ADAMTS6: variants seen among roughly 807,000 people sequenced by gnomAD.
ADAMTS6 encodes ADAM metallopeptidase with thrombospondin type 1 motif 6.
In ADAMTS6, 23 loss-of-function variants were observed where a neutral mutation model predicts 144.3. The observed-to-expected ratio is 0.16, with a 90% CI of 0.11 to 0.23. The LOEUF (loss-of-function observed/expected upper bound fraction) is 0.23. Among genes scored for constraint, ADAMTS6 ranks in the 10% least tolerant of loss-of-function variants. The pLI is 1.00. For synonymous variants in ADAMTS6, 444 were observed against 457.5 expected (o/e 0.97, Z 0.38); for missense variants, 999 against 1,379.6 (o/e 0.72, Z 4.37).
chr5:65,185,599 G>C (rs530820122), intron 22 of ADAMTS6, among the ~76,000 whole-genome samples: 101 of 152,316 alleles, frequency 6.6e-4, no homozygotes, highest in African/African-American at 2.3e-3. Context: ...CCATGTTAAA[G>C]AGTATTGCAG....
At chr5:65,417,990 G>A (rs898559851) in intron 7 of ADAMTS6, among the ~76,000 whole-genome samples, 2 of 152,142 alleles carry the variant, frequency 1.3e-5, no homozygotes, top group Non-Finnish European at 2.9e-5. Context: ...TAAGGCTACA[G>A]TAACCAAACA....
intron 23 of ADAMTS6, 66 bp from the exon 24 acceptor site, chr5:65,170,839 CTA>C (rs1327911356): frequency 2.0e-6 from 3 of 1,514,002 alleles, no homozygotes; most frequent in East Asian, 2.3e-5. Flanking sequence ...AAAAAATATA[CTA>C]TGTCATTTCA....
At chr5:65,285,203 T>C (rs567401543) in intron 11 of ADAMTS6, among the ~76,000 whole-genome samples, 14 of 152,290 alleles carry the variant, frequency 9.2e-5, no homozygotes, top group Non-Finnish European at 1.6e-4. Context: ...GCTTTTAAGA[T>C]AGAAACTTAA....
intron 7 of ADAMTS6, among the ~76,000 whole-genome samples, chr5:65,420,708 A>G (rs575557155): frequency 6.6e-6 from 1 of 152,312 alleles, no homozygotes; most frequent in East Asian, 1.9e-4. Flanking sequence ...GAAAAGAAAG[A>G]AAAAGGAATG....
chr5:65,170,889 A>G, intron 23 of ADAMTS6, 116 bp from the exon 24 acceptor site: 1 of 1,124,414 alleles, frequency 8.9e-7, no homozygotes, highest in Non-Finnish European at 1.2e-6. Context: ...TTTTCTTTTG[A>G]GACACAGCGT....
intron 7 of ADAMTS6, among the ~76,000 whole-genome samples, chr5:65,438,642 C>T (rs1414707071): frequency 6.6e-6 from 1 of 152,208 alleles, no homozygotes; most frequent in Non-Finnish European, 1.5e-5. Flanking sequence ...AAGAAAATAT[C>T]TGCTATTATA....
At chr5:65,287,570 G>A (rs1741799805) in intron 11 of ADAMTS6, among the ~76,000 whole-genome samples, 1 of 152,040 alleles carries the variant, frequency 6.6e-6, no homozygotes, top group Non-Finnish European at 1.5e-5. Flanking sequence ...TGCTCTTGTT[G>A]CCCAGGCTGG....
At chr5:65,317,732 A>G (rs1294462982) in intron 9 of ADAMTS6, among the ~76,000 whole-genome samples, 1 of 152,218 alleles carries the variant, frequency 6.6e-6, no homozygotes, top group Non-Finnish European at 1.5e-5. Flanking sequence ...TAATAACTGG[A>G]TTAAAAAATA....
intron 22 of ADAMTS6, among the ~76,000 whole-genome samples, chr5:65,177,996 A>G (rs566916603): frequency 2.0e-5 from 3 of 152,278 alleles, no homozygotes; most frequent in African/African-American, 4.8e-5. Flanking sequence ...CCCTCTTCCA[A>G]CACTAAGTTC....
chr5:65,407,964 A>C (rs1286712852), intron 7 of ADAMTS6, among the ~76,000 whole-genome samples: 1 of 152,158 alleles, frequency 6.6e-6, no homozygotes. Context: ...TTTTGTCACC[A>C]CCAGGCCTGC....
Position 65,292,034 on chromosome 5 carries a change from T to C in ADAMTS6, c.1371-564A>G, listed in dbSNP as rs560403082. On this transcript the variant is annotated intron_variant, in intron 10 of 24. Transcript: ENST00000381055. ...TCTCAAATATATTAGAAGTGTTTAG[T>C]CTCTCAAAAATTTCATATTTCATCT... Among the ~76,000 whole-genome samples, 5 of 152,192 alleles carry C rather than the reference T, an allele frequency of 3.3e-5. No homozygotes were observed. The South Asian group carries it at 1.0e-3, about 32-fold the overall frequency.
intron 7 of ADAMTS6, among the ~76,000 whole-genome samples, chr5:65,373,985 T>C (rs1751248185): frequency 6.6e-6 from 1 of 152,164 alleles, no homozygotes; most frequent in Non-Finnish European, 1.5e-5. Flanking sequence ...ATCCAGCATA[T>C]AAACAGAACC....
chr5:65,383,012 C>T (rs891914229), intron 7 of ADAMTS6, among the ~76,000 whole-genome samples: 3 of 152,110 alleles, frequency 2.0e-5, no homozygotes, highest in Non-Finnish European at 2.9e-5. Flanking sequence ...AAGATAAGCT[C>T]CTTTGGATCT....
intron 20 of ADAMTS6, among the ~76,000 whole-genome samples, chr5:65,211,907 T>C (rs1756555634): frequency 6.6e-6 from 1 of 152,196 alleles, no homozygotes; most frequent in Non-Finnish European, 1.5e-5. Context: ...GCCCCTACTA[T>C]GTTTCGGATA....
chr5:65,341,672 C>T (rs1387657628), intron 7 of ADAMTS6, among the ~76,000 whole-genome samples: 3 of 151,956 alleles, frequency 2.0e-5, no homozygotes, highest in Non-Finnish European at 2.9e-5. Flanking sequence ...CTGAACAGAC[C>T]AATTATAAGA....
At chr5:65,327,122 G>A (rs1190704075) in intron 9 of ADAMTS6, among the ~76,000 whole-genome samples, 3 of 152,122 alleles carry the variant, frequency 2.0e-5, no homozygotes, top group Admixed American at 6.6e-5. Context: ...AGAGCTGGTT[G>A]TTTAAAAGAG....
chr5:65,283,394 A>G (rs1445249567), intron 11 of ADAMTS6, among the ~76,000 whole-genome samples: 1 of 152,056 alleles, frequency 6.6e-6, no homozygotes, highest in Non-Finnish European at 1.5e-5. Flanking sequence ...CCCTTAATCC[A>G]CAAATCCCAT....
chr5:65,360,877 A>ACTGCTG (rs1391216838), intron 7 of ADAMTS6, among the ~76,000 whole-genome samples: 1 of 152,200 alleles, frequency 6.6e-6, no homozygotes, highest in Non-Finnish European at 1.5e-5. Flanking sequence ...TGTATATCTG[A>ACTGCTG]TAAAACTTTT....
At chr5:65,314,513 A>G (rs984488501) in intron 9 of ADAMTS6, among the ~76,000 whole-genome samples, 8 of 152,218 alleles carry the variant, frequency 5.3e-5, no homozygotes, top group East Asian at 1.9e-4. Flanking sequence ...TTCAACATCA[A>G]TGACAGATAC....
Sources: allele counts gnomAD v4.1 joint callset (sites outside exome capture counted in the v4.1 genomes callset), GRCh38; gene constraint gnomAD v4.1.1; transcripts MANE v1.5; gene names NCBI Gene and HGNC (gene_info 2026-07-23, HGNC 2026-07-21).